Variants in EVL observed in about 807,000 individuals in gnomAD.
EVL encodes ena/VASP-like protein.
Under a neutral mutation model 59.6 loss-of-function variants are expected in EVL, and 21 were observed. That is an observed-to-expected ratio of 0.35 (90% CI 0.25 to 0.51). The LOEUF is 0.51. Ranked by LOEUF, EVL falls within the 20% of genes least tolerant of loss-of-function variation. The pLI is 0.97. For missense variants in EVL, 462 were observed against 546.6 expected (o/e 0.85, Z 1.54); for synonymous variants, 198 against 203.5 (o/e 0.97, Z 0.23).
chr14:99,995,646 T>G (rs1174386859), intron 1 of EVL, among the ~76,000 whole-genome samples: 1 of 152,226 alleles, frequency 6.6e-6, no homozygotes, highest in Non-Finnish European at 1.5e-5. Flanking sequence ...CATGTTTCCC[T>G]GTTTCTTTGT....
At chr14:100,077,157 G>C (rs1341907750) in intron 1 of EVL, among the ~76,000 whole-genome samples, 1 of 152,158 alleles carries the variant, frequency 6.6e-6, no homozygotes, top group Non-Finnish European at 1.5e-5. Flanking sequence ...TTGAAGGGTT[G>C]GGGGTGTGAG....
intron 1 of EVL, among the ~76,000 whole-genome samples, chr14:100,066,906 T>G (rs971734497): frequency 6.6e-6 from 1 of 152,228 alleles, no homozygotes; most frequent in African/African-American, 2.4e-5. Context: ...GCTTTTATGT[T>G]TTCTATGTAT....
chr14:100,105,730 A>G (rs1297921273), intron 3 of EVL, among the ~76,000 whole-genome samples: 1 of 151,628 alleles, frequency 6.6e-6, no homozygotes, highest in Non-Finnish European at 1.5e-5. Context: ...GTCCAAGGGG[A>G]CGATGGCTGT....
intron 1 of EVL, among the ~76,000 whole-genome samples, chr14:99,998,570 C>T (rs904985012): frequency 1.3e-5 from 2 of 152,140 alleles, no homozygotes; most frequent in African/African-American, 2.4e-5. Flanking sequence ...CATACTTGCT[C>T]ATTCTACAAA....
chr14:99,982,266 CTAAA>C (rs2060812032), intron 1 of EVL, among the ~76,000 whole-genome samples: 1 of 152,198 alleles, frequency 6.6e-6, no homozygotes. Flanking sequence ...TTCCCCCTTA[CTAAA>C]TATTCTTTGA....
chr14:100,102,896 G>A (rs1724792258), intron 3 of EVL, among the ~76,000 whole-genome samples: 1 of 152,104 alleles, frequency 6.6e-6, no homozygotes, highest in African/African-American at 2.4e-5. Flanking sequence ...AAGAGATCAA[G>A]ACCATCCTGG....
intron 1 of EVL, among the ~76,000 whole-genome samples, chr14:99,976,785 T>G (rs952296149): frequency 6.6e-6 from 1 of 152,188 alleles, no homozygotes; most frequent in African/African-American, 2.4e-5. Context: ...GTTCTCTTCT[T>G]CACCAGCACC....
intron 3 of EVL, among the ~76,000 whole-genome samples, chr14:100,112,269 C>T (rs939009643): frequency 2.6e-5 from 4 of 152,158 alleles, no homozygotes; most frequent in African/African-American, 4.8e-5. Context: ...TGAGGCCCTG[C>T]CCCCTGCCTA....
chr14:99,971,575 C>G (rs1266379770), exon 1 of EVL: 2 of 151,728 alleles, frequency 1.3e-5, no homozygotes, highest in East Asian at 3.9e-4. Context: ...AACAGCAACG[C>G]GCGTACCCTA....
In EVL at chr14:100,109,339, G is replaced by A. The variant is rs372063970; in HGVS notation, c.358+11681G>A. The A allele has an allele frequency of 2.3e-5, 8 of 355,404 alleles. No homozygotes were observed. Among genetic ancestry groups the A allele is most frequent in the South Asian group, 6.3e-5 (3 of 47,422 alleles). 22.0% of individuals were successfully genotyped at this position (355,404 alleles called of 1,614,324 possible). ...TCTGCTCATCCTTTGCCCTGCTGTT[G>A]TGAAGCCTTCCCAGTGCCCCAGAAG... On this transcript the variant is annotated intron_variant, in intron 3 of 13. Transcript: ENST00000392920. This position sits in a 1 kb window ranked among gnomAD's most constrained non-coding sequence, Gnocchi z 4.3.
At chr14:100,010,348 G>A (rs536839924) in intron 1 of EVL, among the ~76,000 whole-genome samples, 1 of 152,282 alleles carries the variant, frequency 6.6e-6, no homozygotes, top group African/African-American at 2.4e-5. Flanking sequence ...AGGAATTTGG[G>A]CAAGATAAAA....
intron 1 of EVL, among the ~76,000 whole-genome samples, chr14:99,976,917 C>T (rs527842287): frequency 2.6e-4 from 39 of 152,338 alleles, no homozygotes; most frequent in African/African-American, 6.7e-4. Flanking sequence ...TTTCCTCCCC[C>T]GTGCCTCCAA....
intron 1 of EVL, among the ~76,000 whole-genome samples, chr14:100,029,191 G>C (rs562047499): frequency 1.3e-5 from 2 of 152,194 alleles, no homozygotes; most frequent in Non-Finnish European, 2.9e-5. Flanking sequence ...AATAACAAAA[G>C]AAAACAAAGA....
At position 100,008,210 on chromosome 14, in the gene EVL, C is replaced by T. The variant is rs189204611; in HGVS notation, c.5+36153C>T. Among the ~76,000 whole-genome samples the T allele has an allele frequency of 1.3e-3, 200 of 152,216 alleles. 2 individuals are homozygous for T. The highest frequency in any genetic ancestry group is 4.4e-3 in the African/African-American group (184 of 41,530). ...AGCCTCTGATGCACTAATTCTGGGG[C>T]GGGATCTGAGATTTTTCATCCTTAA... On this transcript the variant is annotated intron_variant, in intron 1 of 13. Coordinates refer to the EVL transcript ENST00000402714.
rs552829141 is a variant in EVL, at chr14:100,109,923, C to G, written c.358+12265C>G. Among the ~76,000 whole-genome samples, 4 of 152,208 alleles carry G rather than the reference C, an allele frequency of 2.6e-5. No homozygotes were observed. The highest frequency in any genetic ancestry group is 2.0e-4 in the Admixed American group (3 of 15,290). On this transcript the variant is annotated intron_variant, in intron 3 of 13. Transcript: ENST00000392920. This position sits in a 1 kb window ranked among gnomAD's most constrained non-coding sequence, Gnocchi z 4.3. ...GTGTGCCCTTGGGCATGTCACTGAC[C>G]TAAGACTCAGTTTCGCCATCTGTGA...
rs1453236636 is a variant in EVL, at chr14:100,108,003, T to C, written c.358+10345T>C. The C allele has an allele frequency of 1.3e-5, 2 of 152,236 alleles. No homozygotes were observed. Among genetic ancestry groups the C allele is most frequent in the Non-Finnish European group, 2.9e-5 (2 of 68,046 alleles). 9.4% of individuals were successfully genotyped at this position (152,236 alleles called of 1,614,324 possible). A position where few individuals can be genotyped will look rare whatever the true frequency, so the allele number is the denominator to read the frequency against. On this transcript the variant is annotated intron_variant, in intron 3 of 13. Coordinates refer to ENST00000392920, the MANE Select transcript of EVL (RefSeq NM_016337.3). The surrounding 1 kb of genome is among the most constrained non-coding windows in gnomAD (Gnocchi z 4.1). ...GTTCTCTTTGGCTCTTGGAGCATAA[T>C]GTATGTCCTTTTCCTACTTGGTTTG...
chr14:100,047,834 G>A (rs1259410607), intron 1 of EVL, among the ~76,000 whole-genome samples: 1 of 152,146 alleles, frequency 6.6e-6, no homozygotes, highest in African/African-American at 2.4e-5. Flanking sequence ...AATGCCAAGT[G>A]ATGTTTGACA....
At chr14:99,980,028 G>A (rs2060796502) in intron 1 of EVL, among the ~76,000 whole-genome samples, 1 of 152,150 alleles carries the variant, frequency 6.6e-6, no homozygotes, top group African/African-American at 2.4e-5. Context: ...GTAATCTAGA[G>A]ATGATTTAAG....
At chr14:100,141,906 G>A (rs1219670176) in intron 13 of EVL, 113 bp downstream of exon 13, 6 of 777,020 alleles carry the variant, frequency 7.7e-6, no homozygotes, top group Non-Finnish European at 5.9e-6. Context: ...ACTGCACTGG[G>A]CCCTGTGAGA....
Sources: allele counts gnomAD v4.1 joint callset (sites outside exome capture counted in the v4.1 genomes callset), GRCh38; gene constraint gnomAD v4.1.1; non-coding constraint Gnocchi (gnomAD v3.1); transcripts MANE v1.5; gene names NCBI Gene and HGNC (gene_info 2026-07-23, HGNC 2026-07-21).